The following ACACA variants were observed in gnomAD, a reference collection of about 807,000 sequenced individuals.
ACACA encodes the protein acetyl-CoA carboxylase 1.
Under a neutral mutation model 296.1 loss-of-function variants are expected in ACACA, and 103 were observed. The observed-to-expected ratio is 0.35, with a 90% CI of 0.30 to 0.41. The LOEUF (loss-of-function observed/expected upper bound fraction) is 0.41, where lower values mean the gene tolerates loss of function less well. ACACA is among the 10% of genes least tolerant of loss of function. ACACA has a pLI of 1.00. For missense variants in ACACA, 1,554 were observed against 2,989.7 expected (o/e 0.52, Z 11.20); for synonymous variants, 953 against 1,038.6 (o/e 0.92, Z 1.58).
In ACACA at chr17:37,252,109, C is replaced by T; in HGVS notation, c.1978-1G>A. 6.2e-7 allele frequency: 1 copy of T among 1,614,060 alleles called. No homozygotes were observed. Among genetic ancestry groups the T allele is most frequent in the Non-Finnish European group, 8.5e-7 (1 of 1,179,954 alleles). ...CCAACATGGTGTCAGGTCGCTCAGCCTGAAAGGAGGAAAAAGAGGGCAGAT... is the reference window on the plus strand; with the variant it reads ...CCAACATGGTGTCAGGTCGCTCAGCTTGAAAGGAGGAAAAAGAGGGCAGAT... On this transcript the variant is annotated splice_acceptor_variant, in intron 15 of 55. Coordinates refer to ENST00000616317, the MANE Select transcript of ACACA (RefSeq NM_198834.3). LOFTEE classifies it high-confidence loss of function.
intron 45 of ACACA, among the ~76,000 whole-genome samples, chr17:37,148,013 G>GA (rs2075884322): frequency 6.6e-6 from 1 of 151,980 alleles, no homozygotes; most frequent in African/African-American, 2.4e-5. Flanking sequence ...GGGCAGGGGG[G>GA]AGAAAGAAAC....
chr17:37,404,715 CA>C (rs1184488969), intron 1 of ACACA, among the ~76,000 whole-genome samples: 1 of 151,816 alleles, frequency 6.6e-6, no homozygotes, highest in Non-Finnish European at 1.5e-5. Flanking sequence ...GCTGGGATTA[CA>C]GGCGCCCGTC....
chr17:37,378,887 C>A (rs1382523792), intron 1 of ACACA, among the ~76,000 whole-genome samples: 1 of 152,074 alleles, frequency 6.6e-6, no homozygotes, highest in Admixed American at 6.6e-5. Flanking sequence ...CACAGCAAGA[C>A]CCTGTCTTTT....
intron 1 of ACACA, among the ~76,000 whole-genome samples, chr17:37,371,490 A>G (rs1215108205): frequency 6.6e-6 from 1 of 152,176 alleles, no homozygotes; most frequent in Non-Finnish European, 1.5e-5. Context: ...GGCAATGTTC[A>G]ATTTCTTAAT....
At chr17:37,383,542 C>T (rs544130478) in intron 1 of ACACA, among the ~76,000 whole-genome samples, 27 of 152,174 alleles carry the variant, frequency 1.8e-4, no homozygotes, top group Non-Finnish European at 3.4e-4. Context: ...AATGATGAAT[C>T]CCAAAAAACC....
intron 19 of ACACA, among the ~76,000 whole-genome samples, chr17:37,245,721 T>C (rs1024114816): frequency 6.6e-6 from 1 of 152,026 alleles, no homozygotes; most frequent in East Asian, 1.9e-4. Context: ...CCCTAAGAGA[T>C]CTCCCTACTT....
intron 39 of ACACA, among the ~76,000 whole-genome samples, chr17:37,183,848 CTT>C (rs775286104): frequency 5.0e-5 from 6 of 120,058 alleles, no homozygotes; most frequent in Admixed American, 8.4e-5. Flanking sequence ...AGTTTCAGTC[CTT>C]TTTTTTTTTT....
At chr17:37,372,200 T>TTTGGGAGGCCAAGG (rs1417137471) in intron 1 of ACACA, among the ~76,000 whole-genome samples, 4 of 151,986 alleles carry the variant, frequency 2.6e-5, no homozygotes, top group Non-Finnish European at 5.9e-5. Context: ...GATCACGAGG[T>TTTGGGAGGCCAAGG]CAGGAGATCA....
intron 45 of ACACA, chr17:37,143,788 G>A (rs1402928561): frequency 5.5e-6 from 6 of 1,084,030 alleles, no homozygotes; most frequent in Non-Finnish European, 8.5e-6. Flanking sequence ...CTTTTTTGCT[G>A]CATCAGGCTT....
intron 30 of ACACA, 81 bp downstream of exon 30, chr17:37,210,386 G>C (rs1015033202): frequency 7.8e-7 from 1 of 1,278,918 alleles, no homozygotes; most frequent in Admixed American, 1.7e-5. Context: ...GTCAAGTGTT[G>C]TGGTTTTTTT....
rs60431505 is a variant in ACACA, at chr17:37,399,605, A to AT, written c.38+6656dup. Among the ~76,000 whole-genome samples the AT allele has an allele frequency of 3.8e-3, 574 of 152,278 alleles. 6 individuals are homozygous for AT. The highest frequency in any genetic ancestry group is 0.013 in the African/African-American group (553 of 41,550). On this transcript the variant is annotated intron_variant, in intron 1 of 55. Transcript: ENST00000616317. ...CAACAATATATTTCTAGTTCACCTA[A>AT]TTTTTTGGGTTCTGCCCAAAGGCTG...
intron 26 of ACACA, chr17:37,225,584 T>A (rs1366692764): frequency 5.3e-6 from 1 of 188,890 alleles, no homozygotes; most frequent in Non-Finnish European, 1.1e-5. Context: ...GGAGAACGCG[T>A]CAGGAAGTAA....
At position 37,219,926 on chromosome 17, in the gene ACACA, C is replaced by A. The variant is rs2079206849; in HGVS notation, c.3683+1798G>T. On this transcript the variant is annotated intron_variant, in intron 29 of 55. Coordinates refer to ENST00000616317, the MANE Select transcript of ACACA (RefSeq NM_198834.3). Reference sequence around the variant, plus strand: ...TTTTCACAAAGATGATTTTATTTTTCCTTTTTATTTTGCAATTATCTTCAC... The same window carrying A: ...TTTTCACAAAGATGATTTTATTTTTACTTTTTATTTTGCAATTATCTTCAC... 2.0e-5 allele frequency among the ~76,000 whole-genome samples: 3 copies of A among 151,506 alleles called. No individual in the cohort carries two copies. In the South Asian group the frequency reaches 6.2e-4, roughly 31 times the overall value.
chr17:37,133,722 C>T (rs1045064303), intron 45 of ACACA, among the ~76,000 whole-genome samples: 5 of 152,212 alleles, frequency 3.3e-5, no homozygotes, highest in Non-Finnish European at 7.3e-5. Flanking sequence ...ATTCCTCTTA[C>T]ATTCTACTTA....
chr17:37,151,623 G>C (rs1275469656), intron 43 of ACACA, among the ~76,000 whole-genome samples: 1 of 152,058 alleles, frequency 6.6e-6, no homozygotes, highest in African/African-American at 2.4e-5. Flanking sequence ...GAAGCAACAT[G>C]GTTTAATAGA....
chr17:37,247,887 ATTTT>A, intron 18 of ACACA, 120 bp downstream of exon 18: 4 of 1,022,988 alleles, frequency 3.9e-6, no homozygotes, highest in Admixed American at 2.5e-5. Context: ...TGCATGTACT[ATTTT>A]TTTTTTTTTT....
chr17:37,314,950 C>CTTTTTT (rs71284913), intron 3 of ACACA, among the ~76,000 whole-genome samples: 37 of 60,828 alleles, frequency 6.1e-4, no homozygotes, highest in Middle Eastern at 0.019. Flanking sequence ...GCCAGGAATG[C>CTTTTTT]TTTTTTTTTT....
At chr17:37,220,812 G>A (rs1212514577) in intron 29 of ACACA, among the ~76,000 whole-genome samples, 1 of 152,130 alleles carries the variant, frequency 6.6e-6, no homozygotes, top group East Asian at 1.9e-4. Context: ...CTATTGCTTT[G>A]GGTGAAGTGG....
At chr17:37,109,428 T>A (rs79204214) in intron 52 of ACACA, among the ~76,000 whole-genome samples, 2 of 152,304 alleles carry the variant, frequency 1.3e-5, no homozygotes, top group African/African-American at 4.8e-5. Flanking sequence ...AAAAAACTGA[T>A]GTTCGGAGAA....
Sources: allele counts gnomAD v4.1 joint callset (sites outside exome capture counted in the v4.1 genomes callset), GRCh38; gene constraint gnomAD v4.1.1; transcripts MANE v1.5; gene names NCBI Gene and HGNC (gene_info 2026-07-23, HGNC 2026-07-21).